Variants in SCAMP4 observed in about 807,000 individuals in gnomAD.
The protein encoded by SCAMP4 is secretory carrier-associated membrane protein 4.
In SCAMP4, 19 loss-of-function variants were observed where a neutral mutation model predicts 32.1. The ratio of observed to expected loss-of-function variants is 0.59; its 90% CI spans 0.41 to 0.87. The LOEUF is 0.87. SCAMP4 is among the 40% of genes least tolerant of loss of function. The pLI is 0.00. For missense variants in SCAMP4, 302 were observed against 309.0 expected (o/e 0.98, Z 0.17); for synonymous variants, 152 against 132.7 (o/e 1.15, Z -1.00).
At chr19:1,922,683 C>T (rs917084904) in intron 5 of SCAMP4, 1 of 991,042 alleles carries the variant, frequency 1.0e-6, no homozygotes, top group South Asian at 4.7e-5. Context: ...GTAGCAGGCT[C>T]AGTGGGGCCT....
chr19:1,916,308 C>T lies in SCAMP4; in HGVS notation c.7+1282C>T, dbSNP rs1290831457. Among the ~76,000 whole-genome samples the T allele has an allele frequency of 2.0e-5, 3 of 151,704 alleles. No individual in the cohort carries two copies. In the East Asian group the frequency reaches 5.8e-4, roughly 29 times the overall value. ...GATGGAGGCAGAGGCCAGAGCTATG[C>T]GGCCATGAGCCAAGGGCGCTGGGAT... On this transcript the variant is annotated intron_variant, in intron 2 of 6. Transcript: ENST00000316097.
intron 5 of SCAMP4, 113 bp from the exon 6 acceptor site, chr19:1,922,957 T>C (rs2013966421): frequency 7.2e-7 from 1 of 1,390,118 alleles, no homozygotes; most frequent in Non-Finnish European, 9.3e-7. Flanking sequence ...GTATGAGCTG[T>C]CCACTCCTTG....
chr19:1,920,869 A>G, intron 5 of SCAMP4: 1 of 985,214 alleles, frequency 1.0e-6, no homozygotes, highest in African/African-American at 1.7e-5. Flanking sequence ...CCCACATGTG[A>G]CCCTCAGAGA....
At chr19:1,906,439 T>G (rs976902985) in intron 1 of SCAMP4, 1 of 151,934 alleles carries the variant, frequency 6.6e-6, no homozygotes, top group African/African-American at 2.4e-5. Flanking sequence ...CTTGGGAGGC[T>G]GAGGCAGGAG....
chr19:1,923,221 C>T (rs1316480218), intron 6 of SCAMP4, 34 bp downstream of exon 6: 1 of 1,509,848 alleles, frequency 6.6e-7, no homozygotes, highest in East Asian at 2.5e-5. Context: ...CCAGCCCTTA[C>T]CCCTTCTCCA....
At chr19:1,918,810 T>A in intron 4 of SCAMP4, 79 bp from the exon 5 acceptor site, 1 of 1,542,288 alleles carries the variant, frequency 6.5e-7, no homozygotes, top group South Asian at 1.2e-5. Context: ...TCACCATCTC[T>A]GACTGGCCCG....
intron 5 of SCAMP4, 42 bp downstream of exon 5, chr19:1,919,032 C>T (rs950019381): frequency 7.6e-6 from 12 of 1,570,420 alleles, no homozygotes; most frequent in Middle Eastern, 1.7e-4. Flanking sequence ...TGATGTGGCT[C>T]AGCTGCCAGG....
intron 5 of SCAMP4, chr19:1,921,541 GC>G: frequency 1.0e-6 from 1 of 985,474 alleles, no homozygotes; most frequent in Non-Finnish European, 1.2e-6. Context: ...TGTGCTGGGT[GC>G]CTCCCTAGAC....
chr19:1,905,467 T>C (rs1299434151), intron 1 of SCAMP4, 28 bp downstream of exon 1: 4 of 454,396 alleles, frequency 8.8e-6, no homozygotes, highest in South Asian at 6.4e-5. Context: ...AGGTCTCGGG[T>C]TCTCCAGGCT....
At chr19:1,919,347 C>T (rs973860053) in intron 5 of SCAMP4, 65 of 1,144,882 alleles carry the variant, frequency 5.7e-5, no homozygotes, top group East Asian at 5.3e-5. Flanking sequence ...CTGCACGGAT[C>T]GCTGCAGGAG....
chr19:1,908,294 C>T lies in SCAMP4; in HGVS notation c.-42+2855C>T, dbSNP rs1386076423. The T allele has an allele frequency of 3.7e-5, 12 of 326,046 alleles. No individual in the cohort carries two copies. The highest frequency in any genetic ancestry group is 6.1e-5 in the Non-Finnish European group (10 of 164,518). The allele number at this position is 326,046 out of a possible 1,614,324, so 20.2% of individuals were successfully genotyped here. A position where few individuals can be genotyped will look rare whatever the true frequency, so the allele number is the denominator to read the frequency against. On this transcript the variant is annotated intron_variant, in intron 1 of 6. Coordinates refer to ENST00000316097, the MANE Select transcript of SCAMP4 (RefSeq NM_079834.4). The surrounding 1 kb of genome is among the most constrained non-coding windows in gnomAD (Gnocchi z 4.2). The stretch of plus-strand genomic sequence containing the variant: ...ATCTCCGGTTCTGTGCTTTGTTGAA[C>T]GCGTGAGCTTCGGGCAGCGCTGGGG...
intron 5 of SCAMP4, 67 bp from the exon 6 acceptor site, chr19:1,923,003 T>C: frequency 6.9e-7 from 1 of 1,455,242 alleles, no homozygotes; most frequent in Non-Finnish European, 9.1e-7. Context: ...GGGAGGACCA[T>C]GGGCCGGACC....
rs894297800 is a variant in SCAMP4 at position 1,923,740 on chromosome 19, TC to T, written c.514-365del. Among the ~76,000 whole-genome samples the T allele has an allele frequency of 1.1e-4, 16 of 145,672 alleles. 3 individuals carry two copies. The highest frequency in any genetic ancestry group is 9.3e-4 in the Admixed American group (13 of 14,020). On this transcript the variant is annotated intron_variant, in intron 6 of 6. Coordinates refer to ENST00000316097, the MANE Select transcript of SCAMP4 (RefSeq NM_079834.4). Reference sequence around the variant, plus strand: ...TTCATGCCATTCTCCTGCCTCAGCCTCCCGAGTAGCTGGGACTACAGGCGCC... The same window carrying T: ...TTCATGCCATTCTCCTGCCTCAGCCTCCGAGTAGCTGGGACTACAGGCGCC...
At position 1,908,314 on chromosome 19, in the gene SCAMP4, C is replaced by G. The variant is rs1287044193; in HGVS notation, c.-42+2875C>G. On this transcript the variant is annotated intron_variant, in intron 1 of 6. Transcript: ENST00000316097. This position sits in a 1 kb window ranked among gnomAD's most constrained non-coding sequence, Gnocchi z 4.2. ...TTGAACGCGTGAGCTTCGGGCAGCG[C>G]TGGGGCCGCTTCAGCGTGACCTCCA... The G allele has an allele frequency of 2.8e-6, 1 of 351,146 alleles. No individual in the cohort carries two copies. The highest frequency in any genetic ancestry group is 3.9e-5 in the Admixed American group (1 of 25,960). The allele number at this position is 351,146 out of a possible 1,614,324, so 21.8% of individuals were successfully genotyped here.
At chr19:1,906,483 G>C (rs2013119893) in intron 1 of SCAMP4, 1 of 152,196 alleles carries the variant, frequency 6.6e-6, no homozygotes, top group South Asian at 2.1e-4. Flanking sequence ...AGGCTGCAGT[G>C]AACTGTGATG....
At position 1,922,822 on chromosome 19, in the gene SCAMP4, C is replaced by T. The variant is rs561678453; in HGVS notation, c.396-248C>T. The T allele has an allele frequency of 8.7e-5, 105 of 1,201,984 alleles. No homozygotes were observed. In the Middle Eastern group the frequency reaches 9.8e-4, roughly 11 times the overall value. 74.5% of individuals were successfully genotyped at this position (1,201,984 alleles called of 1,614,324 possible). A position where few individuals can be genotyped will look rare whatever the true frequency, so the allele number is the denominator to read the frequency against. On this transcript the variant is annotated intron_variant, in intron 5 of 6. Coordinates refer to ENST00000316097, the MANE Select transcript of SCAMP4 (RefSeq NM_079834.4). ...AAGGGATAAGGTTGTGTTCACGCGT[C>T]GAAGTTTGTGTCCACTGCACACGCG...
chr19:1,918,068 G>C, intron 3 of SCAMP4, 59 bp from the exon 4 acceptor site: 1 of 1,562,592 alleles, frequency 6.4e-7, no homozygotes, highest in South Asian at 1.2e-5. Context: ...CTGGGCCCAT[G>C]CTTTCCCACG....
At chr19:1,923,539 G>A (rs867870308) in intron 6 of SCAMP4, among the ~76,000 whole-genome samples, 4 of 151,586 alleles carry the variant, frequency 2.6e-5, no homozygotes, top group Non-Finnish European at 5.9e-5. Flanking sequence ...GCAGGTTCCC[G>A]GTCACAGTTT....
At chr19:1,920,854 G>A (rs2013896028) in intron 5 of SCAMP4, 21 of 985,496 alleles carry the variant, frequency 2.1e-5, no homozygotes, top group South Asian at 1.4e-4. Flanking sequence ...GGCATGAGGT[G>A]AGTGCCCACA....
Sources: gnomAD v4.1 joint callset for allele counts (sites outside exome capture counted in the v4.1 genomes callset) on GRCh38, gnomAD v4.1.1 for gene constraint, Gnocchi (gnomAD v3.1) non-coding constraint, MANE v1.5 for transcripts, NCBI Gene and HGNC (gene_info 2026-07-23, HGNC 2026-07-21) for gene names.